Variants in NIPSNAP3A observed in about 807,000 individuals in gnomAD.
The protein encoded by NIPSNAP3A is nipsnap homolog 3A.
In NIPSNAP3A, 27 loss-of-function variants were observed where a neutral mutation model predicts 32.3. The observed-to-expected ratio is 0.84, with a 90% CI of 0.62 to 1.15. The LOEUF (loss-of-function observed/expected upper bound fraction) is 1.15. Ranked by LOEUF, NIPSNAP3A falls within the 50% of genes most tolerant of loss-of-function variation. The pLI is 0.00. For synonymous variants in NIPSNAP3A, 108 were observed against 107.3 expected, an observed-to-expected ratio of 1.01 and a Z score of -0.04; for missense variants, 278 against 297.2, an observed-to-expected ratio of 0.94 and a Z score of 0.48.
In NIPSNAP3A at chr9:104,759,468, A is replaced by C. The variant is rs1827947692; in HGVS notation, c.*130A>C. 5.8e-6 allele frequency: 5 copies of C among 855,020 alleles called. No individual in the cohort carries two copies. Among genetic ancestry groups the C allele is most frequent in the Non-Finnish European group, 9.4e-6 (5 of 533,962 alleles). 53.0% of individuals were successfully genotyped at this position (855,020 alleles called of 1,614,324 possible). On this transcript the variant is annotated 3_prime_UTR_variant, in exon 6 of 6. Coordinates refer to ENST00000374767, the MANE Select transcript of NIPSNAP3A (RefSeq NM_015469.3). Reference sequence around the variant, plus strand: ...TAAGTTAATTTGCTATGTTTCTTGCATTATGAAGGCTACATCTGTGCTTTG... The same window carrying C: ...TAAGTTAATTTGCTATGTTTCTTGCCTTATGAAGGCTACATCTGTGCTTTG...
intron 4 of NIPSNAP3A, among the ~76,000 whole-genome samples, chr9:104,758,478 G>A (rs1385449751): frequency 2.6e-5 from 4 of 151,948 alleles, no homozygotes; most frequent in Non-Finnish European, 4.4e-5. Context: ...TAAAATTTGG[G>A]TCTTGTCTTG....
At chr9:104,754,824 G>T (rs1827887846) in intron 4 of NIPSNAP3A, 124 bp downstream of exon 4, 3 of 752,066 alleles carry the variant, frequency 4.0e-6, no homozygotes, top group Non-Finnish European at 6.5e-6. Context: ...TTAGTTTTTT[G>T]TAATTTTTAA....
rs1588161106 is a variant in NIPSNAP3A at position 104,754,596 on chromosome 9, C to T, written c.476C>T (p.Ala159Val). The change falls in exon 4 of 6, where the codon GCT becomes GTT. Residue 159 changes from alanine to valine, a missense_variant. Coordinates refer to ENST00000374767, the MANE Select transcript of NIPSNAP3A (RefSeq NM_015469.3). Reference protein sequence around the residue: ...ATFQMKPGGPALWGDAFKRAV... With the variant: ...ATFQMKPGGPVLWGDAFKRAV... The stretch of plus-strand genomic sequence containing the variant: ...TTTCAGATGAAACCTGGTGGGCCAG[C>T]TCTGTGGGGTGATGCATTTAAAAGG... 1.2e-6 allele frequency: 2 copies of T among 1,614,002 alleles called. No homozygotes were observed. The highest frequency in any genetic ancestry group is 2.2e-5 in the East Asian group (1 of 44,868).
At chr9:104,748,217 A>T (rs978285413) in intron 1 of NIPSNAP3A, among the ~76,000 whole-genome samples, 11 of 152,058 alleles carry the variant, frequency 7.2e-5, no homozygotes, top group African/African-American at 2.7e-4. Flanking sequence ...CCATGTTGTC[A>T]CCTGGCGCTG....
rs916045576 is a variant in NIPSNAP3A, at chr9:104,750,893, T to C, written c.61-63T>C. ...TCCCTTGTACCAGATTCAGATTAGGTTTTAACACAATATAATGAATCCTGT... is the reference window on the plus strand; with the variant it reads ...TCCCTTGTACCAGATTCAGATTAGGCTTTAACACAATATAATGAATCCTGT... On this transcript the variant is annotated intron_variant, in intron 1 of 5. Coordinates refer to ENST00000374767, the MANE Select transcript of NIPSNAP3A (RefSeq NM_015469.3). 41 of 1,333,132 alleles carry C rather than the reference T, an allele frequency of 3.1e-5. 1 individual carries two copies. In the East Asian group the frequency reaches 9.0e-4, roughly 29 times the overall value. 82.6% of individuals were successfully genotyped at this position (1,333,132 alleles called of 1,614,324 possible).
At chr9:104,750,818 A>G (rs1827839148) in intron 1 of NIPSNAP3A, 138 bp from the exon 2 acceptor site, 2 of 725,420 alleles carry the variant, frequency 2.8e-6, no homozygotes, top group Non-Finnish European at 4.9e-6. Flanking sequence ...TCAGTAACAT[A>G]TTGAGAATTG....
At chr9:104,752,400 G>A (rs1827857014) in intron 2 of NIPSNAP3A, among the ~76,000 whole-genome samples, 1 of 152,122 alleles carries the variant, frequency 6.6e-6, no homozygotes, top group Non-Finnish European at 1.5e-5. Context: ...GATTCAGGGT[G>A]TATCTGAACT....
rs1335626389 is a variant in NIPSNAP3A, at chr9:104,747,851, A to G, written c.59A>G (p.Gln20Arg). The G allele has an allele frequency of 2.5e-6, 4 of 1,607,642 alleles. No homozygotes were observed. The South Asian group carries it at 3.3e-5, about 13-fold the overall frequency. Residue 20 changes from glutamine (Q) to arginine (R), a missense_variant and splice_region_variant, in exon 1 of 6, where the codon CAG becomes CGG. Coordinates refer to ENST00000374767, the MANE Select transcript of NIPSNAP3A (RefSeq NM_015469.3). ...CTGGCCTCACGGACGCTGGCGCCTC[A>G]GGTACCGGCCACGGGGGTACCCAAG... ...RALASRTLAP[Q>R]MCSSFATGPR...
chr9:104,755,204 GC>G lies in NIPSNAP3A; in HGVS notation c.580+505del, dbSNP rs1223860205. Among the ~76,000 whole-genome samples, 6 of 150,758 alleles carry G rather than the reference GC, an allele frequency of 4.0e-5. No homozygotes were observed. In the South Asian group the frequency reaches 1.3e-3, roughly 32 times the overall value. On this transcript the variant is annotated intron_variant, in intron 4 of 5. Transcript: ENST00000374767. ...TGCAATGAGCCAAAATCGTGCCATC[GC>G]ACTCCAGCCTGGGTGACAAGAGCAA... is the stretch of plus-strand genomic sequence containing the variant.
At chr9:104,753,827 A>C (rs979762231) in intron 3 of NIPSNAP3A, 2 of 152,292 alleles carry the variant, frequency 1.3e-5, no homozygotes, top group African/African-American at 4.8e-5. Context: ...GCACTATCTA[A>C]ATAAAATAGT....
rs559521126 is a variant in NIPSNAP3A at position 104,759,553 on chromosome 9, A to G, written c.*215A>G. ...TCTGCATGGTATTTCAGTGTCTGTC[A>G]TACATTAAAAATACTTGTCACTGTT... is the stretch of plus-strand genomic sequence containing the variant. On this transcript the variant is annotated 3_prime_UTR_variant, in exon 6 of 6. Transcript: ENST00000374767. 1.3e-5 allele frequency: 7 copies of G among 544,480 alleles called. No homozygotes were observed. Among genetic ancestry groups the G allele is most frequent in the East Asian group, 9.5e-5 (3 of 31,432 alleles). The allele number at this position is 544,480 out of a possible 1,614,324, so 33.7% of individuals were successfully genotyped here.
chr9:104,748,148 C>A (rs1489818885), intron 1 of NIPSNAP3A, among the ~76,000 whole-genome samples: 1 of 152,194 alleles, frequency 6.6e-6, no homozygotes, highest in Non-Finnish European at 1.5e-5. Context: ...ACTCCCATGG[C>A]GCCGGCTGTT....
At chr9:104,758,021 T>C (rs1317196595) in intron 4 of NIPSNAP3A, among the ~76,000 whole-genome samples, 2 of 152,156 alleles carry the variant, frequency 1.3e-5, no homozygotes, top group African/African-American at 2.4e-5. Context: ...CATTTTCCTA[T>C]ACATCTAACA....
At position 104,750,833 on chromosome 9, in the gene NIPSNAP3A, C is replaced by G. The variant is rs903579100; in HGVS notation, c.61-123C>G. 3 of 797,324 alleles carry G rather than the reference C, an allele frequency of 3.8e-6. No homozygotes were observed. The South Asian group carries it at 4.3e-5, about 11-fold the overall frequency. 49.4% of individuals were successfully genotyped at this position (797,324 alleles called of 1,614,324 possible). On this transcript the variant is annotated intron_variant, in intron 1 of 5. Coordinates refer to ENST00000374767, the MANE Select transcript of NIPSNAP3A (RefSeq NM_015469.3). ...TCAGTAACATATTGAGAATTGACAACAGAAGTACAAACATGAGTAATGAGT... is the reference window on the plus strand; with the variant it reads ...TCAGTAACATATTGAGAATTGACAAGAGAAGTACAAACATGAGTAATGAGT...
At chr9:104,754,989 C>T (rs1407399774) in intron 4 of NIPSNAP3A, among the ~76,000 whole-genome samples, 5 of 152,076 alleles carry the variant, frequency 3.3e-5, no homozygotes, top group Non-Finnish European at 5.9e-5. Flanking sequence ...GCCTGTAATC[C>T]CAGCACTTTT....
At chr9:104,753,316 A>C (rs1043518560) in intron 3 of NIPSNAP3A, among the ~76,000 whole-genome samples, 1 of 152,218 alleles carries the variant, frequency 6.6e-6, no homozygotes, top group Non-Finnish European at 1.5e-5. Context: ...TTATAGAGAA[A>C]GCTGACATGG....
intron 4 of NIPSNAP3A, 114 bp from the exon 5 acceptor site, chr9:104,758,971 C>CAAAAA (rs34457398): frequency 1.1e-3 from 456 of 401,786 alleles, no homozygotes; most frequent in South Asian, 2.0e-3. Context: ...ACTCTTGTTT[C>CAAAAA]AAAAAAAAAA....
intron 4 of NIPSNAP3A, among the ~76,000 whole-genome samples, chr9:104,755,654 C>A (rs1324970000): frequency 6.6e-6 from 1 of 152,066 alleles, no homozygotes; most frequent in Non-Finnish European, 1.5e-5. Context: ...GATGAGGTAG[C>A]TCATACCTGT....
At chr9:104,752,529 A>C (rs891791863) in intron 2 of NIPSNAP3A, among the ~76,000 whole-genome samples, 2 of 152,190 alleles carry the variant, frequency 1.3e-5, no homozygotes, top group Non-Finnish European at 2.9e-5. Flanking sequence ...GCCAACCGCT[A>C]TATTCTAAAC....
Sources: gnomAD v4.1 joint callset for allele counts (sites outside exome capture counted in the v4.1 genomes callset) on GRCh38, gnomAD v4.1.1 for gene constraint, MANE v1.5 for transcripts, NCBI Gene and HGNC (gene_info 2026-07-23, HGNC 2026-07-21) for gene names.